The following TTLL13 variants were observed in gnomAD, a reference collection of about 807,000 sequenced individuals.
The protein encoded by TTLL13 is tubulin polyglutamylase TTLL13.
chr15:90,257,752 C>T, the TTLL13 span: 1 of 1,602,924 alleles, frequency 6.2e-7, no homozygotes, highest in Admixed American at 1.7e-5. Context: ...CTCCTGCTTC[C>T]TCTGCCCCTT....
the TTLL13 span, chr15:90,263,257 C>G: frequency 9.8e-6 from 10 of 1,021,150 alleles, no homozygotes; most frequent in African/African-American, 1.6e-5. Context: ...GTCAGTGGAG[C>G]CTGGGAAAGC....
the TTLL13 span, chr15:90,249,947 T>TTTTTTTTTTTTA: frequency 5.4e-5 from 8 of 147,664 alleles, no homozygotes; most frequent in Admixed American, 5.5e-4. Context: ...CTGTATTTTA[T>TTTTTTTTTTTTA]TTTATTTATT....
the TTLL13 span, among the ~76,000 whole-genome samples, chr15:90,256,767 C>A: frequency 6.6e-6 from 1 of 151,992 alleles, no homozygotes; most frequent in Non-Finnish European, 1.5e-5. Flanking sequence ...CAGCTCCCTG[C>A]AACCTCCGCC....
chr15:90,252,625 C>T, the TTLL13 span, among the ~76,000 whole-genome samples: 1 of 152,294 alleles, frequency 6.6e-6, no homozygotes, highest in South Asian at 2.1e-4. Context: ...TAAGGAACCA[C>T]ACAAGTATGG....
the TTLL13 span, chr15:90,258,976 TA>T: frequency 1.2e-6 from 2 of 1,613,144 alleles, no homozygotes; most frequent in Non-Finnish European, 1.7e-6. Flanking sequence ...TTCCTGAGAG[TA>T]AAAGTCCTCC....
At chr15:90,263,672 C>T in the TTLL13 span, 1 of 605,564 alleles carries the variant, frequency 1.7e-6, no homozygotes, top group Non-Finnish European at 2.9e-6. Context: ...TTTTCAGTTA[C>T]CTCCTTCTTC....
the TTLL13 span, chr15:90,263,218 C>T: frequency 7.4e-7 from 1 of 1,349,774 alleles, no homozygotes; most frequent in African/African-American, 1.5e-5. Flanking sequence ...GTGTTGGTCT[C>T]AACAAAGGAG....
the TTLL13 span, among the ~76,000 whole-genome samples, chr15:90,256,740 G>C: frequency 6.6e-6 from 1 of 151,180 alleles, no homozygotes; most frequent in Admixed American, 6.6e-5. Context: ...CCAGGCTGGA[G>C]TGCAGCGGCA....
the TTLL13 span, chr15:90,251,692 C>T: frequency 7.1e-7 from 1 of 1,404,568 alleles, no homozygotes; most frequent in East Asian, 2.3e-5. Context: ...GCTTCCAGCC[C>T]CTGGGGCCTG....
chr15:90,258,966 T>C, the TTLL13 span: 9 of 1,613,842 alleles, frequency 5.6e-6, no homozygotes, highest in Non-Finnish European at 7.6e-6. Context: ...TTCTTCATTA[T>C]TCCTGAGAGT....
the TTLL13 span, chr15:90,251,645 A>C: frequency 7.5e-6 from 12 of 1,594,084 alleles, no homozygotes; most frequent in Non-Finnish European, 8.6e-6. Flanking sequence ...TGGTGCCTAC[A>C]GCTGCTGTTC....
chr15:90,255,792 G>A, the TTLL13 span: 16 of 1,613,978 alleles, frequency 9.9e-6, 1 homozygote, highest in African/African-American at 1.3e-4. Context: ...GAAATCTGCC[G>A]CAAAGATCTG....
the TTLL13 span, chr15:90,257,816 T>A: frequency 7.7e-7 from 1 of 1,297,028 alleles, no homozygotes. Context: ...GGAGGCTAAT[T>A]GCCCAGGGAA....
the TTLL13 span, chr15:90,257,660 C>T: frequency 6.2e-7 from 1 of 1,614,166 alleles, no homozygotes. Context: ...TGCACCTGAC[C>T]AACTATGCTA....
chr15:90,254,978 C>T, the TTLL13 span, among the ~76,000 whole-genome samples: 1 of 152,240 alleles, frequency 6.6e-6, no homozygotes, highest in Non-Finnish European at 1.5e-5. Flanking sequence ...CAGCCCTGAG[C>T]AGCAGATATC....
the TTLL13 span, chr15:90,259,030 A>C: frequency 6.3e-7 from 1 of 1,587,950 alleles, no homozygotes; most frequent in Non-Finnish European, 8.6e-7. Context: ...GCTATCAAAA[A>C]CAACTTTTTG....
chr15:90,262,743 C>T, the TTLL13 span: 1 of 1,344,998 alleles, frequency 7.4e-7, no homozygotes, highest in South Asian at 1.5e-5. Flanking sequence ...GAATGAATCT[C>T]TGCTGTCTTC....
At chr15:90,257,050 A>T in the TTLL13 span, 1 of 1,254,848 alleles carries the variant, frequency 8.0e-7, no homozygotes, top group Non-Finnish European at 1.1e-6. Context: ...TGGAAATTCA[A>T]TTAGCTATGT....
At chr15:90,252,033 T>A in the TTLL13 span, among the ~76,000 whole-genome samples, 2 of 147,290 alleles carry the variant, frequency 1.4e-5, no homozygotes, top group African/African-American at 5.1e-5. Flanking sequence ...ACCACTATGC[T>A]CACCTAATTC....
Sources: gnomAD v4.1 joint callset for allele counts (sites outside exome capture counted in the v4.1 genomes callset) on GRCh38, gnomAD v4.1.1 for gene constraint, MANE v1.5 for transcripts, NCBI Gene and HGNC (gene_info 2026-07-23, HGNC 2026-07-21) for gene names.